The following GALNTL6 variants were observed in gnomAD, a reference collection of about 807,000 sequenced individuals.
The protein encoded by GALNTL6 is polypeptide N-acetylgalactosaminyltransferase like 6, also known as polypeptide N-acetylgalactosaminyltransferase-like 6.
Under a neutral mutation model 73.7 loss-of-function variants are expected in GALNTL6, and 46 were observed. That is an observed-to-expected ratio of 0.62 (90% confidence interval 0.49 to 0.80). The LOEUF is 0.80. Ranked by LOEUF, GALNTL6 falls within the 30% of genes least tolerant of loss-of-function variation. GALNTL6 has a pLI of 0.00. For missense variants in GALNTL6, 604 were observed against 755.0 expected (o/e 0.80, Z 2.34); for synonymous variants, 259 against 263.7 (o/e 0.98, Z 0.17).
intron 5 of GALNTL6, among the ~76,000 whole-genome samples, chr4:172,716,199 C>T (rs1221364348): frequency 1.3e-5 from 2 of 152,100 alleles, no homozygotes; most frequent in Non-Finnish European, 2.9e-5. Context: ...CCATCCTATG[C>T]ACATCCTAGA....
At chr4:172,844,988 G>A (rs182367998) in intron 7 of GALNTL6, among the ~76,000 whole-genome samples, 58 of 152,178 alleles carry the variant, frequency 3.8e-4, no homozygotes, top group Admixed American at 6.5e-4. Flanking sequence ...GGCCAAGGCC[G>A]GCAGGTCATG....
intron 5 of GALNTL6, among the ~76,000 whole-genome samples, chr4:172,589,209 T>C (rs1217127312): frequency 1.3e-5 from 2 of 152,124 alleles, no homozygotes; most frequent in Admixed American, 6.5e-5. Flanking sequence ...GAGAAGAAAA[T>C]GACACATTTC....
intron 3 of GALNTL6, among the ~76,000 whole-genome samples, chr4:172,290,832 TATTA>T (rs1739444197): frequency 6.6e-6 from 1 of 151,808 alleles, no homozygotes; most frequent in Non-Finnish European, 1.5e-5. Context: ...TGACAAATAC[TATTA>T]ATTAATTTTT....
At chr4:171,856,826 A>C (rs2110871896) in intron 2 of GALNTL6, among the ~76,000 whole-genome samples, 1 of 152,244 alleles carries the variant, frequency 6.6e-6, no homozygotes. Flanking sequence ...CAATTGTCTT[A>C]ATTATTGTAG....
At chr4:172,478,625 G>A (rs1279923782) in intron 5 of GALNTL6, among the ~76,000 whole-genome samples, 1 of 151,954 alleles carries the variant, frequency 6.6e-6, no homozygotes, top group Admixed American at 6.6e-5. Context: ...CTGAGACCTT[G>A]AAAGAAAATG....
intron 5 of GALNTL6, among the ~76,000 whole-genome samples, chr4:172,584,053 T>A (rs1011440213): frequency 1.3e-5 from 2 of 151,924 alleles, no homozygotes; most frequent in Non-Finnish European, 2.9e-5. Flanking sequence ...TGTAAGGCAC[T>A]ATGGTATAAG....
chr4:172,104,347 G>A (rs1732617857), intron 2 of GALNTL6, among the ~76,000 whole-genome samples: 1 of 152,142 alleles, frequency 6.6e-6, no homozygotes, highest in East Asian at 1.9e-4. Context: ...AAGACAGAGA[G>A]GTAAGAGGAC....
chr4:172,018,639 C>T (rs1161021157), intron 2 of GALNTL6, among the ~76,000 whole-genome samples: 1 of 152,072 alleles, frequency 6.6e-6, no homozygotes, highest in Non-Finnish European at 1.5e-5. Context: ...AGCTTCAATG[C>T]TGAGAAAGCA....
chr4:172,711,535 T>C (rs1211554335), intron 5 of GALNTL6, among the ~76,000 whole-genome samples: 1 of 152,176 alleles, frequency 6.6e-6, no homozygotes, highest in Non-Finnish European at 1.5e-5. Flanking sequence ...CAAAATTGAA[T>C]GTGTGCCGGG....
intron 2 of GALNTL6, among the ~76,000 whole-genome samples, chr4:171,975,390 T>G (rs1260712899): frequency 6.6e-6 from 1 of 152,182 alleles, no homozygotes; most frequent in African/African-American, 2.4e-5. Flanking sequence ...ACACTATTAT[T>G]ACTGAGTGGC....
chr4:172,138,091 A>G (rs1733684102), intron 2 of GALNTL6, among the ~76,000 whole-genome samples: 1 of 152,160 alleles, frequency 6.6e-6, no homozygotes, highest in African/African-American at 2.4e-5. Flanking sequence ...TTCTAAAAGC[A>G]TTTGAAAATA....
chr4:171,854,497 T>G (rs1359247566), intron 2 of GALNTL6, among the ~76,000 whole-genome samples: 1 of 152,230 alleles, frequency 6.6e-6, no homozygotes, highest in East Asian at 1.9e-4. Context: ...GTTGACTTCC[T>G]TTGTACACAG....
chr4:172,502,503 A>T (rs1200203522), intron 5 of GALNTL6, among the ~76,000 whole-genome samples: 1 of 152,152 alleles, frequency 6.6e-6, no homozygotes, highest in Non-Finnish European at 1.5e-5. Flanking sequence ...TTGATCCTTC[A>T]TTCAAGGGAT....
At chr4:172,897,276 C>G (rs989912040) in intron 8 of GALNTL6, among the ~76,000 whole-genome samples, 25 of 152,250 alleles carry the variant, frequency 1.6e-4, no homozygotes, top group Admixed American at 1.4e-3. Flanking sequence ...GGGTTTAGAG[C>G]TGGGAGTAGG....
chr4:172,145,976 G>C (rs954509987), intron 2 of GALNTL6, among the ~76,000 whole-genome samples: 2 of 152,170 alleles, frequency 1.3e-5, no homozygotes, highest in African/African-American at 4.8e-5. Context: ...TATGTGGGGA[G>C]GCTAAAGGAA....
At chr4:172,854,131 C>G (rs562959809) in intron 7 of GALNTL6, among the ~76,000 whole-genome samples, 1 of 152,120 alleles carries the variant, frequency 6.6e-6, no homozygotes, top group African/African-American at 2.4e-5. Context: ...GAATGCTTCT[C>G]CTTTTCCTCA....
At chr4:171,971,356 C>G (rs954905132) in intron 2 of GALNTL6, among the ~76,000 whole-genome samples, 4 of 152,134 alleles carry the variant, frequency 2.6e-5, no homozygotes, top group African/African-American at 9.7e-5. Flanking sequence ...GTTCCAAAGA[C>G]TTGGAGAAGA....
intron 3 of GALNTL6, among the ~76,000 whole-genome samples, chr4:172,284,996 T>C (rs570856117): frequency 2.6e-5 from 4 of 152,310 alleles, no homozygotes; most frequent in African/African-American, 9.6e-5. Context: ...ATTGGTATTT[T>C]AATAGGGATT....
intron 2 of GALNTL6, among the ~76,000 whole-genome samples, chr4:172,212,359 A>T (rs1050690022): frequency 2.6e-5 from 4 of 151,772 alleles, no homozygotes; most frequent in Admixed American, 6.6e-5. Context: ...ACGGGGTTTC[A>T]CCATGTTGAT....
Sources: allele counts gnomAD v4.1 joint callset (sites outside exome capture counted in the v4.1 genomes callset), GRCh38; gene constraint gnomAD v4.1.1; transcripts MANE v1.5; gene names NCBI Gene and HGNC (gene_info 2026-07-23, HGNC 2026-07-21).